The following SMCHD1 variants were observed in gnomAD, a reference collection of about 807,000 sequenced individuals.
The protein encoded by SMCHD1 is structural maintenance of chromosomes flexible hinge domain containing 1, also known as structural maintenance of chromosomes flexible hinge domain-containing protein 1.
SMCHD1 carries 78 observed loss-of-function variants against 254.7 expected under a neutral mutation model. The observed-to-expected ratio is 0.31, with a 90% CI of 0.26 to 0.37. SMCHD1 has a LOEUF of 0.37. SMCHD1 is among the 10% of genes least tolerant of loss of function. The pLI, the probability that SMCHD1 is intolerant of heterozygous loss-of-function variation, is 1.00. For synonymous variants in SMCHD1, 766 were observed against 794.9 expected, an observed-to-expected ratio of 0.96 and a Z score of 0.61; for missense variants, 1,840 against 2,408.1, an observed-to-expected ratio of 0.76 and a Z score of 4.94.
intron 45 of SMCHD1, among the ~76,000 whole-genome samples, chr18:2,792,823 G>A (rs552348794): frequency 4.9e-4 from 75 of 152,198 alleles, no homozygotes; most frequent in Non-Finnish European, 9.0e-4. Flanking sequence ...TGGCTTTCAG[G>A]GAAAGGGTGT....
Position 2,760,734 on chromosome 18 carries a change from G to T in SMCHD1, c.4429G>T (p.Glu1477Ter). 6.3e-7 allele frequency: 1 copy of T among 1,594,578 alleles called. No individual in the cohort carries two copies. Among genetic ancestry groups the T allele is most frequent in the South Asian group, 1.1e-5 (1 of 89,902 alleles). Residue 1477 changes from glutamate (E) to a stop codon, truncating the protein, a stop_gained, in exon 35 of 48, where the codon GAA (glutamate) becomes TAA (stop). Coordinates refer to ENST00000320876, the MANE Select transcript of SMCHD1 (RefSeq NM_015295.3). LOFTEE classifies it high-confidence loss of function. ...MMDKTNILNSEQVIVEVLPNQ... is the reference protein window; with the variant it reads ...MMDKTNILNS ...GGATAAAACAAATATTCTCAACAGT[G>T]AACAGGTTTGCTTACTTTTTTTATA...
At chr18:2,798,592 TC>T (rs1190906151) in intron 47 of SMCHD1, among the ~76,000 whole-genome samples, 1 of 152,224 alleles carries the variant, frequency 6.6e-6, no homozygotes, top group Non-Finnish European at 1.5e-5. Flanking sequence ...TAAAAGTTAT[TC>T]TTTGTAGAAA....
rs1348640089 is a variant in SMCHD1, at chr18:2,748,388, A to T, written c.3927+741A>T. ...TGTGTGTGTGTGTGTGTGTGTATAT[A>T]AATTTTTTTTTTTTTTTTTTTGGAG... is the stretch of plus-strand genomic sequence containing the variant. On this transcript the variant is annotated intron_variant, in intron 30 of 47. Transcript: ENST00000320876. 2.5e-3 allele frequency among the ~76,000 whole-genome samples: 128 copies of T among 50,472 alleles called. 19 individuals are homozygous for T. The highest frequency in any genetic ancestry group is 3.2e-3 in the African/African-American group (23 of 7,290). 33.1% of individuals were successfully genotyped at this position (50,472 alleles called of 152,430 possible). A position where few individuals can be genotyped will look rare whatever the true frequency, so the allele number is the denominator to read the frequency against.
chr18:2,733,722 A>T (rs888450688), intron 25 of SMCHD1, among the ~76,000 whole-genome samples: 2 of 152,246 alleles, frequency 1.3e-5, no homozygotes, highest in African/African-American at 4.8e-5. Flanking sequence ...TTGCATTTTC[A>T]AAGTAAACGT....
intron 5 of SMCHD1, among the ~76,000 whole-genome samples, chr18:2,680,186 A>C (rs2073893372): frequency 6.6e-6 from 1 of 152,102 alleles, no homozygotes; most frequent in African/African-American, 2.4e-5. Context: ...GTCTCTACCA[A>C]CTGTTCTTTT....
Position 2,706,383 on chromosome 18 carries a change from A to T in SMCHD1, c.1976A>T (p.Asp659Val). The change falls in exon 15 of 48, where the codon GAT becomes GTT. Residue 659 changes from aspartate (D) to valine (V), a missense_variant. Physicochemically the swap from Asp to Val is radical, Grantham distance 152 (BLOSUM62 -3). Coordinates refer to ENST00000320876, the MANE Select transcript of SMCHD1 (RefSeq NM_015295.3). Reference protein sequence around the residue: ...QIAMEPQALYDEVRTVPIAKL... With the variant: ...QIAMEPQALYVEVRTVPIAKL... ...ATTCAGGAACCTCAGGCACTATATG[A>T]TGAAGTAAGAACTGTGCCAATTGCA... 1 of 1,584,002 alleles carries T rather than the reference A, an allele frequency of 6.3e-7. No individual in the cohort carries two copies. The highest frequency in any genetic ancestry group is 8.6e-7 in the Non-Finnish European group (1 of 1,164,162).
intron 37 of SMCHD1, among the ~76,000 whole-genome samples, chr18:2,764,529 T>C (rs1386480552): frequency 6.6e-6 from 1 of 152,226 alleles, no homozygotes; most frequent in East Asian, 1.9e-4. Flanking sequence ...TTCCATTAGC[T>C]TTCTTCTATG....
intron 12 of SMCHD1, among the ~76,000 whole-genome samples, chr18:2,703,456 T>A (rs747426603): frequency 7.9e-5 from 12 of 152,188 alleles, no homozygotes; most frequent in Non-Finnish European, 1.3e-4. Context: ...ATTGTTGATA[T>A]TGACCAGGGA....
intron 21 of SMCHD1, among the ~76,000 whole-genome samples, 155 bp from the exon 22 acceptor site, chr18:2,726,297 A>G (rs1386165017): frequency 6.6e-6 from 1 of 151,846 alleles, no homozygotes; most frequent in African/African-American, 2.4e-5. Context: ...AAGATTTCTG[A>G]CTCCATATAT....
At position 2,804,233 on chromosome 18, in the gene SMCHD1, T is replaced by C. The variant is rs1448214899; in HGVS notation, c.*1681T>C. On this transcript the variant is annotated 3_prime_UTR_variant, in exon 48 of 48. Transcript: ENST00000320876. ...GGAGTCATGTTTTAAATCCAAGGCA[T>C]TGAGACTATCTAGAAGCAAAAAAGT... is the stretch of plus-strand genomic sequence containing the variant. The C allele has an allele frequency of 6.6e-6, 1 of 152,228 alleles. No homozygotes were observed. Among genetic ancestry groups the C allele is most frequent in the African/African-American group, 2.4e-5 (1 of 41,464 alleles). The allele number at this position is 152,228 out of a possible 1,614,324, so 9.4% of individuals were successfully genotyped here.
intron 37 of SMCHD1, among the ~76,000 whole-genome samples, chr18:2,764,917 A>C (rs1249599829): frequency 6.6e-6 from 1 of 152,192 alleles, no homozygotes. Context: ...TAGGATATGC[A>C]TATTTTAAGC....
At chr18:2,715,444 C>CTT (rs140437315) in intron 17 of SMCHD1, among the ~76,000 whole-genome samples, 4,524 of 152,038 alleles carry the variant, frequency 0.03, 233 homozygotes, top group African/African-American at 0.1. Flanking sequence ...TACAGAAGTT[C>CTT]TTTTTTAAAA....
At chr18:2,704,635 C>T (rs1461546196) in intron 13 of SMCHD1, among the ~76,000 whole-genome samples, 9 of 141,704 alleles carry the variant, frequency 6.4e-5, no homozygotes, top group Non-Finnish European at 1.2e-4. Context: ...TTTGGTTGGT[C>T]GTGTGGGCTG....
intron 45 of SMCHD1, among the ~76,000 whole-genome samples, chr18:2,788,817 C>G (rs1346534181): frequency 6.6e-6 from 1 of 152,056 alleles, no homozygotes; most frequent in Admixed American, 6.6e-5. Flanking sequence ...GGGCTGGTCT[C>G]GAACTCCTGC....
chr18:2,735,462 T>C (rs960603415), intron 25 of SMCHD1, among the ~76,000 whole-genome samples: 2 of 152,100 alleles, frequency 1.3e-5, no homozygotes, highest in African/African-American at 4.8e-5. Context: ...AAATAAAAGG[T>C]GTCCAAATAG....
chr18:2,663,283 T>C (rs920410718), intron 1 of SMCHD1, among the ~76,000 whole-genome samples: 5 of 151,810 alleles, frequency 3.3e-5, no homozygotes, highest in East Asian at 1.9e-4. Context: ...TTTTTTTTTT[T>C]CCATTTTTTG....
chr18:2,767,169 G>T (rs926764633), intron 37 of SMCHD1, among the ~76,000 whole-genome samples: 3 of 151,616 alleles, frequency 2.0e-5, no homozygotes, highest in Admixed American at 6.6e-5. Flanking sequence ...GAGGTGGGAA[G>T]ATAGCTTAAG....
intron 17 of SMCHD1, 104 bp downstream of exon 17, chr18:2,708,024 T>C (rs1204591207): frequency 1.8e-5 from 11 of 603,788 alleles, no homozygotes; most frequent in Non-Finnish European, 2.6e-5. Context: ...CTGATAGGCA[T>C]AGCAAATTTT....
intron 7 of SMCHD1, among the ~76,000 whole-genome samples, chr18:2,690,949 T>C (rs2074163393): frequency 1.0e-5 from 1 of 100,348 alleles, no homozygotes; most frequent in African/African-American, 3.8e-5. Context: ...TGTTGGCCAT[T>C]TGATAATTGA....
Sources: gnomAD v4.1 joint callset for allele counts (sites outside exome capture counted in the v4.1 genomes callset) on GRCh38, gnomAD v4.1.1 for gene constraint, MANE v1.5 for transcripts, NCBI Gene and HGNC (gene_info 2026-07-23, HGNC 2026-07-21) for gene names.